Variants in MADD observed in about 807,000 individuals in gnomAD.
MADD encodes MAP kinase-activating death domain protein.
A neutral mutation model predicts 176.7 loss-of-function variants in MADD; 109 were observed. The ratio of observed to expected loss-of-function variants is 0.62; its 90% CI spans 0.53 to 0.72. The LOEUF (loss-of-function observed/expected upper bound fraction) is 0.72, where lower values mean the gene tolerates loss of function less well. MADD is among the 30% of genes least tolerant of loss of function. The probability of loss-of-function intolerance (pLI) is 0.00; values close to 1 mark genes in which losing one functional copy is unlikely to be tolerated. For synonymous variants in MADD, 771 were observed against 771.3 expected (o/e 1.00, Z 0.01); for missense variants, 1,914 against 2,045.5 (o/e 0.94, Z 1.24).
At chr11:47,282,712 T>A in intron 9 of MADD, 96 bp downstream of exon 9, 1 of 1,588,718 alleles carries the variant, frequency 6.3e-7, no homozygotes, top group Non-Finnish European at 8.6e-7. Flanking sequence ...CTGTGCCTTC[T>A]ATCCTGGCTC....
At chr11:47,299,291 C>G (rs964865235) in intron 22 of MADD, among the ~76,000 whole-genome samples, 1 of 152,040 alleles carries the variant, frequency 6.6e-6, no homozygotes, top group African/African-American at 2.4e-5. Flanking sequence ...TCGTCCAATC[C>G]ATGAACATGG....
chr11:47,270,055 C>CCGGCCCCCCGGGCTGAATGGTA (rs1958738448), upstream of MADD: 1 of 152,076 alleles, frequency 6.6e-6, no homozygotes, highest in Non-Finnish European at 1.5e-5. Flanking sequence ...CGGTGCAGCC[C>CCGGCCCCCCGGGCTGAATGGTA]CGGCCCCCCG....
exon 18 of MADD, chr11:47,290,184 C>A (rs2063975959): frequency 6.2e-7 from 1 of 1,614,026 alleles, no homozygotes; most frequent in Non-Finnish European, 8.5e-7. Flanking sequence ...GAATGTTAGA[C>A]CTCCTCAAGT....
exon 30 of MADD, chr11:47,324,544 G>A (rs755942110): frequency 1.2e-5 from 20 of 1,613,800 alleles, no homozygotes; most frequent in Non-Finnish European, 1.5e-5. Context: ...AGGTGACCCT[G>A]GAAGGGATCA....
chr11:47,308,774 A>G, intron 23 of MADD, 75 bp downstream of exon 25: 3 of 1,262,310 alleles, frequency 2.4e-6, no homozygotes, highest in Non-Finnish European at 3.4e-6. Flanking sequence ...ACACTGAACA[A>G]GTAGCTGGTT....
intron 20 of MADD, among the ~76,000 whole-genome samples, chr11:47,294,815 T>C (rs772246353): frequency 2.0e-5 from 3 of 151,986 alleles, no homozygotes; most frequent in Non-Finnish European, 4.4e-5. Context: ...TTTAGTGACA[T>C]GGGAAACTGT....
At chr11:47,277,859 A>G (rs1282599578) in intron 5 of MADD, among the ~76,000 whole-genome samples, 1 of 152,156 alleles carries the variant, frequency 6.6e-6, no homozygotes, top group Non-Finnish European at 1.5e-5. Flanking sequence ...ATCAAGCTGC[A>G]GTTTAAAATT....
chr11:47,324,946 TGA>T (rs1206780621), intron 30 of MADD: 5 of 595,138 alleles, frequency 8.4e-6, no homozygotes, highest in Non-Finnish European at 9.0e-6. Flanking sequence ...GGTTTTGCTT[TGA>T]GAGTCTAGAC....
intron 30 of MADD, 100 bp from the exon 34 acceptor site, chr11:47,326,444 T>G: frequency 1.1e-6 from 1 of 947,182 alleles, no homozygotes; most frequent in Non-Finnish European, 1.4e-6. Flanking sequence ...GGGCAGAGGG[T>G]ACGGGCGGGC....
exon 22 of MADD, chr11:47,296,003 G>T: frequency 6.2e-7 from 1 of 1,614,118 alleles, no homozygotes; most frequent in Non-Finnish European, 8.5e-7. Flanking sequence ...AGCTCTCGGG[G>T]CACTTTGTCT....
chr11:47,287,821 C>T lies in MADD; in HGVS notation c.2653+1287C>T, dbSNP rs556347669. ...TTTTTTTTTTTTGAGACAAGAGTCTCGCTCTGTTGCCCAGGCTGGAGTGCA... is the reference window on the plus strand; with the variant it reads ...TTTTTTTTTTTTGAGACAAGAGTCTTGCTCTGTTGCCCAGGCTGGAGTGCA... On this transcript the variant is annotated intron_variant, in intron 15 of 32. Transcript: ENST00000402192. Among the ~76,000 whole-genome samples, 45 of 130,054 alleles carry T rather than the reference C, an allele frequency of 3.5e-4. No individual in the cohort carries two copies. The South Asian group carries it at 0.01, about 30-fold the overall frequency. 85.3% of individuals were successfully genotyped at this position (130,054 alleles called of 152,430 possible).
At chr11:47,278,932 T>G in intron 6 of MADD, 67 bp from the exon 7 acceptor site, 1 of 1,336,472 alleles carries the variant, frequency 7.5e-7, no homozygotes. Context: ...CTTATTTTTA[T>G]TTATGTAAGT....
chr11:47,282,124 C>T (rs759713299), intron 8 of MADD, among the ~76,000 whole-genome samples: 2 of 151,568 alleles, frequency 1.3e-5, no homozygotes, highest in Non-Finnish European at 2.9e-5. Flanking sequence ...CGTGAGCCAC[C>T]GCACCCAGCC....
chr11:47,309,273 C>CT lies in MADD; in HGVS notation c.3752-7dup, dbSNP rs763968902. ...ATAGGCCCCCTAAGAAACCTTTATT[C>CT]TATGCAGGCAAAGAGCGTTCTACTT... On this transcript the variant is annotated splice_region_variant and splice_polypyrimidine_tract_variant and intron_variant, in intron 23 of 32. Coordinates refer to ENST00000402192, the Ensembl canonical transcript of MADD. 2.5e-6 allele frequency: 4 copies of CT among 1,612,798 alleles called. No individual in the cohort carries two copies. The South Asian group carries it at 4.4e-5, about 18-fold the overall frequency.
At chr11:47,315,311 A>T in exon 27 of MADD, 1 of 1,612,788 alleles carries the variant, frequency 6.2e-7, no homozygotes, top group South Asian at 1.1e-5. Context: ...ACAAACGGAG[A>T]TATCTTTTTC....
chr11:47,292,552 A>G, intron 19 of MADD: 1 of 1,614,000 alleles, frequency 6.2e-7, no homozygotes. Context: ...GAATTGTGGA[A>G]CAAGCACCAG....
chr11:47,290,877 C>T, intron 19 of MADD, 61 bp downstream of exon 20: 1 of 1,324,816 alleles, frequency 7.5e-7, no homozygotes, highest in Non-Finnish European at 1.1e-6. Context: ...TCCCTTTCTC[C>T]TCAATTCATC....
chr11:47,278,418 A>G lies in MADD; in HGVS notation c.1209+140A>G. On this transcript the variant is annotated intron_variant, in intron 6 of 32. Coordinates refer to ENST00000402192, the Ensembl canonical transcript of MADD. ...TTCTATTGCGAGACTTACTGAAACA[A>G]GTTTTTTTAAATGCTCCTTTTACCT... 3 of 643,484 alleles carry G rather than the reference A, an allele frequency of 4.7e-6. No individual in the cohort carries two copies. The South Asian group carries it at 6.0e-5, about 13-fold the overall frequency. 39.9% of individuals were successfully genotyped at this position (643,484 alleles called of 1,614,324 possible).
At chr11:47,283,976 T>G (rs1399309541) in intron 10 of MADD, among the ~76,000 whole-genome samples, 3 of 152,214 alleles carry the variant, frequency 2.0e-5, no homozygotes, top group East Asian at 3.8e-4. Flanking sequence ...CCAAAGTGCT[T>G]GGATTACAGG....
Sources: allele counts gnomAD v4.1 joint callset (sites outside exome capture counted in the v4.1 genomes callset), GRCh38; gene constraint gnomAD v4.1.1; transcripts MANE v1.5; gene names NCBI Gene and HGNC (gene_info 2026-07-23, HGNC 2026-07-21).